The following NAV1 variants were observed in gnomAD, a reference collection of about 807,000 sequenced individuals.
NAV1 encodes pore membrane and/or filament interacting like protein 3.
In NAV1, 18 loss-of-function variants were observed where a neutral mutation model predicts 175.2. That is an observed-to-expected ratio of 0.10 (90% confidence interval 0.07 to 0.15). The LOEUF (loss-of-function observed/expected upper bound fraction) is 0.15. Among genes scored for constraint, NAV1 ranks in the 10% least tolerant of loss-of-function variants. The pLI, the probability that NAV1 is intolerant of heterozygous loss-of-function variation, is 1.00. For synonymous variants in NAV1, 897 were observed against 978.7 expected, an observed-to-expected ratio of 0.92 and a Z score of 1.56; for missense variants, 1,731 against 2,436.6, an observed-to-expected ratio of 0.71 and a Z score of 6.10.
At chr1:201,737,142 A>G (rs1195357698) in intron 3 of NAV1, among the ~76,000 whole-genome samples, 1 of 152,168 alleles carries the variant, frequency 6.6e-6, no homozygotes, top group South Asian at 2.1e-4. Flanking sequence ...ACTCCCAGAC[A>G]ACATTTCTCT....
intron 3 of NAV1, chr1:201,724,378 G>T (rs10920239): frequency 0.3 from 46,051 of 152,136 alleles, 6,998 homozygotes; most frequent in Admixed American, 0.33. Flanking sequence ...GCACTGAGTA[G>T]AGGAGGCACA....
intron 8 of NAV1, 142 bp downstream of exon 12, chr1:201,785,493 T>C: frequency 5.0e-6 from 4 of 805,780 alleles, no homozygotes; most frequent in South Asian, 3.4e-5. Context: ...CCCATACAAG[T>C]ACCACCTAGT....
At chr1:201,589,117 G>C (rs1304767681) in intron 2 of NAV1, among the ~76,000 whole-genome samples, 1 of 152,104 alleles carries the variant, frequency 6.6e-6, no homozygotes, top group Admixed American at 6.6e-5. Context: ...CAAAGTGCTG[G>C]GATTACAGGC....
At chr1:201,623,725 G>T in intron 1 of NAV1, 119 bp downstream of exon 3, 1 of 949,996 alleles carries the variant, frequency 1.1e-6, no homozygotes, top group Non-Finnish European at 1.3e-6. Flanking sequence ...AGGGCCCCAG[G>T]CGATACAAAA....
chr1:201,619,254 T>G (rs1455084698), upstream of NAV1, among the ~76,000 whole-genome samples: 1 of 152,248 alleles, frequency 6.6e-6, no homozygotes, highest in South Asian at 2.1e-4. Flanking sequence ...TAGGGCTCTT[T>G]TAGCTGGAAA....
At chr1:201,642,823 G>A (rs1049774517) in intron 2 of NAV1, among the ~76,000 whole-genome samples, 1 of 149,314 alleles carries the variant, frequency 6.7e-6, no homozygotes, top group African/African-American at 2.5e-5. Context: ...AGGCTGGAGT[G>A]CAGTGGCGCC....
intron 1 of NAV1, among the ~76,000 whole-genome samples, chr1:201,557,946 G>A (rs926925247): frequency 6.6e-5 from 10 of 152,288 alleles, no homozygotes; most frequent in African/African-American, 2.4e-4. Flanking sequence ...GCTTGGAGGG[G>A]CAGAAAGGAG....
intron 1 of NAV1, among the ~76,000 whole-genome samples, chr1:201,689,531 AGGATG>A (rs1670816999): frequency 6.6e-6 from 1 of 152,204 alleles, no homozygotes; most frequent in Non-Finnish European, 1.5e-5. Context: ...CAAAAGGGAC[AGGATG>A]GACAGGCTTT....
Position 201,788,421 on chromosome 1 carries a change from C to G in NAV1, c.2996-47C>G. 1.9e-6 allele frequency: 3 copies of G among 1,608,502 alleles called. No individual in the cohort carries two copies. Among genetic ancestry groups the G allele is most frequent in the Non-Finnish European group, 2.5e-6 (3 of 1,176,718 alleles). On this transcript the variant is annotated intron_variant, in intron 9 of 29. Transcript: ENST00000367296. The surrounding 1 kb of genome is among the most constrained non-coding windows in gnomAD (Gnocchi z 5.7). ...AGAGCTGATGACCCTGCCTCTTTTC[C>G]TGCCCTCCTGCTCCCTCTCCTGTCC...
exon 30 of NAV1, chr1:201,821,511 C>G (rs1461806842): frequency 2.5e-5 from 1 of 40,662 alleles, no homozygotes; most frequent in African/African-American, 6.4e-5. Flanking sequence ...AACAGACACA[C>G]ACACACACAC....
At chr1:201,678,990 G>T (rs1670366006) in intron 1 of NAV1, among the ~76,000 whole-genome samples, 1 of 152,188 alleles carries the variant, frequency 6.6e-6, no homozygotes. Flanking sequence ...AAAGGTCGGG[G>T]AGCCCAGAAG....
intron 1 of NAV1, among the ~76,000 whole-genome samples, chr1:201,584,629 G>C (rs1296340004): frequency 6.6e-6 from 1 of 152,202 alleles, no homozygotes; most frequent in Admixed American, 6.5e-5. Context: ...GTCCAGCAGA[G>C]CCCACGGCAG....
chr1:201,588,805 G>A (rs938578186), intron 2 of NAV1, among the ~76,000 whole-genome samples, 156 bp downstream of exon 2: 20 of 152,094 alleles, frequency 1.3e-4, no homozygotes, highest in African/African-American at 4.8e-4. Context: ...CATACTTAGT[G>A]AGTATACTAA....
intron 3 of NAV1, among the ~76,000 whole-genome samples, chr1:201,771,026 G>A (rs955007659): frequency 1.3e-5 from 2 of 152,128 alleles, no homozygotes; most frequent in Admixed American, 1.3e-4. Flanking sequence ...CACCAAGAGT[G>A]CAGAGAACTC....
In NAV1 at chr1:201,640,294, T is replaced by C. The variant is rs187554772; in HGVS notation, c.5-8340T>C. Among the ~76,000 whole-genome samples, 236 of 152,322 alleles carry C rather than the reference T, an allele frequency of 1.5e-3. 1 individual carries two copies. The highest frequency in any genetic ancestry group is 5.3e-3 in the African/African-American group (222 of 41,568). ...AGAAATATCTCAACTACCAATGCCC[T>C]GGAGAAGCAAAGGCAGTGGCTGGGC... is the stretch of plus-strand genomic sequence containing the variant. On this transcript the variant is annotated intron_variant, in intron 2 of 29. Transcript: ENST00000367302.
chr1:201,648,336 T>G, exon 1 of NAV1: 1 of 1,145,692 alleles, frequency 8.7e-7, no homozygotes, highest in Non-Finnish European at 1.1e-6. Flanking sequence ...CCGCGGGGCT[T>G]CCATCCTTCC....
chr1:201,752,292 C>A (rs1053708468), intron 3 of NAV1, among the ~76,000 whole-genome samples: 5 of 152,146 alleles, frequency 3.3e-5, no homozygotes, highest in Non-Finnish European at 5.9e-5. Flanking sequence ...CCTTAAGACC[C>A]GAATTAAAGA....
At chr1:201,701,347 G>A (rs1671416589) in intron 1 of NAV1, among the ~76,000 whole-genome samples, 1 of 151,580 alleles carries the variant, frequency 6.6e-6, no homozygotes, top group Non-Finnish European at 1.5e-5. Context: ...AACCAACATA[G>A]CACATGTATA....
At chr1:201,648,266 G>C in exon 1 of NAV1, 1 of 1,051,060 alleles carries the variant, frequency 9.5e-7, no homozygotes, top group South Asian at 4.6e-5. Context: ...CTGACAGGCA[G>C]GCAGGCCGCG....
Sources: allele counts gnomAD v4.1 joint callset (sites outside exome capture counted in the v4.1 genomes callset), GRCh38; gene constraint gnomAD v4.1.1; non-coding constraint Gnocchi (gnomAD v3.1); transcripts MANE v1.5; gene names NCBI Gene and HGNC (gene_info 2026-07-23, HGNC 2026-07-21).